RBFOX2: variants seen among roughly 807,000 people sequenced by gnomAD.
RBFOX2 encodes RNA binding fox-1 homolog 2, also known as RNA binding protein fox-1 homolog 2.
RBFOX2 carries 10 observed loss-of-function variants against 49.1 expected under a neutral mutation model. The observed-to-expected ratio is 0.20, with a 90% confidence interval of 0.13 to 0.35. The LOEUF (loss-of-function observed/expected upper bound fraction) is 0.35, where lower values mean the gene tolerates loss of function less well. Ranked by LOEUF, RBFOX2 falls within the 10% of genes least tolerant of loss-of-function variation. The pLI, the probability that RBFOX2 is intolerant of heterozygous loss-of-function variation, is 1.00. For missense variants in RBFOX2, 323 were observed against 486.9 expected (o/e 0.66, Z 3.17); for synonymous variants, 183 against 187.4 (o/e 0.98, Z 0.19).
At chr22:35,982,213 C>G (rs2057491460) in intron 1 of RBFOX2, among the ~76,000 whole-genome samples, 1 of 152,040 alleles carries the variant, frequency 6.6e-6, no homozygotes, top group Admixed American at 6.5e-5. Flanking sequence ...CACAAAAGAC[C>G]GAAAAGGAAG....
chr22:35,816,117 T>A (rs1039089461), intron 1 of RBFOX2, among the ~76,000 whole-genome samples: 1 of 152,122 alleles, frequency 6.6e-6, no homozygotes, highest in Admixed American at 6.6e-5. Flanking sequence ...AAAATCCAGA[T>A]AAATAAATCA....
rs188351104 is a variant in RBFOX2 at position 35,815,456 on chromosome 22, G to T, written c.28-5452C>A. Among the ~76,000 whole-genome samples, 54 of 152,098 alleles carry T rather than the reference G, an allele frequency of 3.6e-4. 1 individual carries two copies. The Middle Eastern group carries it at 0.017, about 48-fold the overall frequency. On this transcript the variant is annotated intron_variant, in intron 1 of 11. Transcript: ENST00000405409. ...GTCTATGTAATCTTTGAGAGAGAAGGGTGTATTTTTGTTTATATCTTCTCA... is the reference window on the plus strand; with the variant it reads ...GTCTATGTAATCTTTGAGAGAGAAGTGTGTATTTTTGTTTATATCTTCTCA...
intron 1 of RBFOX2, among the ~76,000 whole-genome samples, chr22:35,871,714 A>T (rs2044375389): frequency 6.6e-6 from 1 of 152,238 alleles, no homozygotes; most frequent in South Asian, 2.1e-4. Context: ...AGGCACTGAC[A>T]AAAAATGGCT....
chr22:35,807,578 T>C (rs928471974), intron 2 of RBFOX2, among the ~76,000 whole-genome samples: 5 of 151,946 alleles, frequency 3.3e-5, no homozygotes, highest in African/African-American at 1.2e-4. Flanking sequence ...ATAGATCATA[T>C]TTTACGGTAT....
chr22:35,866,325 G>A (rs575905220), intron 1 of RBFOX2, among the ~76,000 whole-genome samples: 114 of 151,842 alleles, frequency 7.5e-4, no homozygotes, highest in African/African-American at 2.6e-3. Flanking sequence ...TAATATATAC[G>A]CCATTTTTTT....
chr22:35,917,934 T>C (rs1239680697), intron 1 of RBFOX2, among the ~76,000 whole-genome samples: 1 of 152,180 alleles, frequency 6.6e-6, no homozygotes, highest in Admixed American at 6.5e-5. Flanking sequence ...AGGCTCAATA[T>C]CACAGACTCA....
At chr22:35,870,935 T>A (rs976791841) in intron 1 of RBFOX2, among the ~76,000 whole-genome samples, 3 of 152,220 alleles carry the variant, frequency 2.0e-5, no homozygotes, top group Admixed American at 1.3e-4. Context: ...TATTTTAAAA[T>A]CTTTGCCACA....
chr22:35,875,339 T>C (rs1163471899), intron 1 of RBFOX2, among the ~76,000 whole-genome samples: 1 of 152,146 alleles, frequency 6.6e-6, no homozygotes, highest in Non-Finnish European at 1.5e-5. Flanking sequence ...TTTTGTTTAA[T>C]GGTGATTTGT....
At chr22:35,850,234 A>ACACACACC (rs1458238256) in intron 1 of RBFOX2, among the ~76,000 whole-genome samples, 36 of 147,698 alleles carry the variant, frequency 2.4e-4, no homozygotes, top group Admixed American at 4.7e-4. Context: ...ACACACACAC[A>ACACACACC]CCCTTCTCAC....
intron 6 of RBFOX2, among the ~76,000 whole-genome samples, chr22:35,764,229 C>T (rs1033737825): frequency 1.3e-5 from 2 of 152,052 alleles, no homozygotes; most frequent in African/African-American, 4.8e-5. Flanking sequence ...ATACATTTCT[C>T]CTTGATTTAA....
At chr22:35,962,149 C>T (rs544018765), upstream of RBFOX2, among the ~76,000 whole-genome samples, 57 of 152,356 alleles carry the variant, frequency 3.7e-4, no homozygotes, top group African/African-American at 1.2e-3. Flanking sequence ...GGGAACTCCA[C>T]GCCTCAAGGC....
At chr22:35,778,601 G>C (rs759440181) in intron 3 of RBFOX2, among the ~76,000 whole-genome samples, 1 of 151,562 alleles carries the variant, frequency 6.6e-6, no homozygotes. Context: ...GGCATGTAGA[G>C]ATAAGTAACT....
chr22:35,963,154 G>A (rs759633011), upstream of RBFOX2, among the ~76,000 whole-genome samples: 24 of 139,552 alleles, frequency 1.7e-4, no homozygotes, highest in Non-Finnish European at 3.1e-4. Flanking sequence ...AAACAATTTA[G>A]AACAATTAGA....
At chr22:35,758,452 C>T (rs888958492) in intron 9 of RBFOX2, among the ~76,000 whole-genome samples, 8 of 152,150 alleles carry the variant, frequency 5.3e-5, no homozygotes, top group African/African-American at 1.4e-4. Flanking sequence ...TGGATTACAA[C>T]GGAAGACATT....
chr22:35,778,010 T>C lies in RBFOX2; in HGVS notation c.453+15A>G, dbSNP rs760614292. 3 of 1,604,132 alleles carry C rather than the reference T, an allele frequency of 1.9e-6. No individual in the cohort carries two copies. The highest frequency in any genetic ancestry group is 1.3e-5 in the African/African-American group (1 of 74,406). ...AAAAGAAATCAAGCACACTTGACAC[T>C]GAAATGGAGCTTACCTTAGAGCCAC... On this transcript the variant is annotated intron_variant, in intron 4 of 11. Coordinates refer to ENST00000405409, the Ensembl canonical transcript of RBFOX2.
At chr22:35,956,175 A>G (rs1274916392) in intron 1 of RBFOX2, among the ~76,000 whole-genome samples, 1 of 152,222 alleles carries the variant, frequency 6.6e-6, no homozygotes, top group Admixed American at 6.5e-5. Flanking sequence ...ATCTCATTAT[A>G]TAACATCAAA....
chr22:36,010,712 A>G (rs922923634), intron 1 of RBFOX2, among the ~76,000 whole-genome samples: 1 of 150,734 alleles, frequency 6.6e-6, no homozygotes, highest in African/African-American at 2.4e-5. Context: ...CATCTGAATC[A>G]GAATCCAATT....
At chr22:35,951,123 T>G (rs2054871862) in intron 1 of RBFOX2, among the ~76,000 whole-genome samples, 1 of 137,004 alleles carries the variant, frequency 7.3e-6, no homozygotes, top group African/African-American at 2.8e-5. Flanking sequence ...CCAGCTAAAT[T>G]TTTTGTATTT....
At chr22:35,767,554 T>A (rs1166271487) in intron 5 of RBFOX2, among the ~76,000 whole-genome samples, 2 of 152,198 alleles carry the variant, frequency 1.3e-5, no homozygotes, top group Non-Finnish European at 1.5e-5. Context: ...AGGAGCCAGT[T>A]AACCTTCGAT....
Sources: gnomAD v4.1 joint callset for allele counts (sites outside exome capture counted in the v4.1 genomes callset) on GRCh38, gnomAD v4.1.1 for gene constraint, MANE v1.5 for transcripts, NCBI Gene and HGNC (gene_info 2026-07-23, HGNC 2026-07-21) for gene names.